Variants in PARVB observed in about 807,000 individuals in gnomAD.
The protein encoded by PARVB is parvin beta, also known as beta-parvin.
A neutral mutation model predicts 47.0 loss-of-function variants in PARVB; 46 were observed. That is an observed-to-expected ratio of 0.98 (90% CI 0.77 to 1.25). PARVB has a LOEUF of 1.25. Ranked by LOEUF, PARVB falls within the 50% of genes most tolerant of loss-of-function variation. The pLI, the probability that PARVB is intolerant of heterozygous loss-of-function variation, is 0.00. For missense variants in PARVB, 473 were observed against 471.6 expected (o/e 1.00, Z -0.03); for synonymous variants, 196 against 196.3 (o/e 1.00, Z 0.01).
chr22:44,162,183 T>G (rs1718201718), intron 11 of PARVB, among the ~76,000 whole-genome samples: 1 of 152,196 alleles, frequency 6.6e-6, no homozygotes, highest in African/African-American at 2.4e-5. Flanking sequence ...TTTTCCAGTG[T>G]TGTTCGTTTG....
chr22:44,058,978 G>A (rs999131185), intron 1 of PARVB, among the ~76,000 whole-genome samples: 1 of 130,896 alleles, frequency 7.6e-6, no homozygotes, highest in African/African-American at 3.1e-5. Context: ...ATGAGGGTGT[G>A]ATGGGGGGGG....
In PARVB at chr22:44,073,449, G is replaced by A. The variant is rs191594587; in HGVS notation, c.113-20479G>A. ...GCAGAGGTTGCGGTGAGCGGAGGTCGCGCCATTACACTCTAGCCTGGGCGA... is the reference window on the plus strand; with the variant it reads ...GCAGAGGTTGCGGTGAGCGGAGGTCACGCCATTACACTCTAGCCTGGGCGA... On this transcript the variant is annotated intron_variant, in intron 1 of 12. Transcript: ENST00000338758. Among the ~76,000 whole-genome samples, 11 of 152,302 alleles carry A rather than the reference G, an allele frequency of 7.2e-5. No homozygotes were observed. In the East Asian group the frequency reaches 1.7e-3, roughly 24 times the overall value.
Position 44,125,024 on chromosome 22 carries a change from T to G in PARVB, c.376+5884T>G, listed in dbSNP as rs1186348618. 3.3e-5 allele frequency among the ~76,000 whole-genome samples: 5 copies of G among 151,348 alleles called. No homozygotes were observed. Among genetic ancestry groups the G allele is most frequent in the Non-Finnish European group, 7.4e-5 (5 of 67,870 alleles). On this transcript the variant is annotated intron_variant, in intron 4 of 12. Transcript: ENST00000338758. The surrounding 1 kb of genome is among the most constrained non-coding windows in gnomAD (Gnocchi z 4.1). Reference sequence around the variant, plus strand: ...ACAAATGGCTCTTACAGACCAGCTCTTGGAGGGAAACCTCCTAGGCTTGTG... The same window carrying G: ...ACAAATGGCTCTTACAGACCAGCTCGTGGAGGGAAACCTCCTAGGCTTGTG...
intron 3 of PARVB, 107 bp from the exon 4 acceptor site, chr22:44,118,928 CCGG>C (rs1277867030): frequency 1.6e-5 from 12 of 754,862 alleles, no homozygotes; most frequent in African/African-American, 3.4e-5. Context: ...TGCTGTGGTC[CCGG>C]TGGTGGCTGC....
At chr22:44,020,839 G>A (rs1385660246), upstream of PARVB, among the ~76,000 whole-genome samples, 1 of 151,776 alleles carries the variant, frequency 6.6e-6, no homozygotes, top group Non-Finnish European at 1.5e-5. Context: ...GGAGTGCAGT[G>A]GCGTGATCTC....
At chr22:44,072,414 C>T (rs1285657063) in intron 1 of PARVB, among the ~76,000 whole-genome samples, 1 of 152,124 alleles carries the variant, frequency 6.6e-6, no homozygotes, top group Non-Finnish European at 1.5e-5. Context: ...CGACAGTTTG[C>T]CCTCAGGACT....
intron 3 of PARVB, among the ~76,000 whole-genome samples, chr22:44,102,080 G>T (rs1415653804): frequency 6.6e-6 from 1 of 152,206 alleles, no homozygotes; most frequent in East Asian, 1.9e-4. Context: ...CCTGCCATCT[G>T]CAAGCTAGAA....
Position 44,147,880 on chromosome 22 carries a change from G to A in PARVB, c.732G>A (p.Thr244=), listed in dbSNP as rs1342408508. Reference sequence around the variant, plus strand: ...CCTCAGAGCGGGATGCCTTCGACACGCTGTTCGACCACGCCCCGGATAAGC... The same window carrying A: ...CCTCAGAGCGGGATGCCTTCGACACACTGTTCGACCACGCCCCGGATAAGC... ...MGRFERDAFD[T]LFDHAPDKLS... is the part of the protein sequence containing the mutation. The change falls in exon 9 of 13, where the codon ACG becomes ACA. Residue 244 remains threonine (T), a synonymous_variant. Transcript: ENST00000338758. 8.7e-6 allele frequency: 14 copies of A among 1,613,916 alleles called. No homozygotes were observed. The highest frequency in any genetic ancestry group is 2.2e-5 in the South Asian group (2 of 91,074).
chr22:44,166,667 G>C lies in PARVB; in HGVS notation c.1019-1935G>C, dbSNP rs141304409. Among the ~76,000 whole-genome samples the C allele has an allele frequency of 3.6e-3, 552 of 152,362 alleles. 4 individuals carry two copies. The highest frequency in any genetic ancestry group is 0.013 in the African/African-American group (522 of 41,584). ...TTGGGTGTCCCAGGGCCTCTGTCCA[G>C]CCCAGGCAGGGGGCAGAGCTGGTCT... is the stretch of plus-strand genomic sequence containing the variant. On this transcript the variant is annotated intron_variant, in intron 12 of 12. Transcript: ENST00000338758.
Position 44,125,175 on chromosome 22 carries a change from A to T in PARVB, c.376+6035A>T, listed in dbSNP as rs577387552. 6.6e-6 allele frequency among the ~76,000 whole-genome samples: 1 copy of T among 152,192 alleles called. No individual in the cohort carries two copies. The highest frequency in any genetic ancestry group is 1.9e-4 in the East Asian group (1 of 5,170). ...TATTCATCTGGCCCTCAGAAAGTAT[A>T]TTTGGAGGGAAACATGTCTGTGTTT... On this transcript the variant is annotated intron_variant, in intron 4 of 12. Transcript: ENST00000338758. This position sits in a 1 kb window ranked among gnomAD's most constrained non-coding sequence, Gnocchi z 4.1.
chr22:44,099,063 T>C (rs1360457810), intron 2 of PARVB, among the ~76,000 whole-genome samples: 1 of 152,172 alleles, frequency 6.6e-6, no homozygotes, highest in African/African-American at 2.4e-5. Context: ...GTCTCAACTG[T>C]GTCCTGGCCA....
chr22:44,147,499 CAAG>C, intron 8 of PARVB: 1 of 376,706 alleles, frequency 2.7e-6, no homozygotes, highest in South Asian at 2.0e-5. Flanking sequence ...TGCCAGTAGA[CAAG>C]GAGTGTGGGA....
chr22:44,022,725 T>C (rs2050664845), upstream of PARVB, among the ~76,000 whole-genome samples: 1 of 150,076 alleles, frequency 6.7e-6, no homozygotes, highest in Non-Finnish European at 1.5e-5. Flanking sequence ...TCACTCCTCC[T>C]ACTTCTTTTT....
intron 10 of PARVB, among the ~76,000 whole-genome samples, chr22:44,157,089 T>G (rs751702316): frequency 2.2e-4 from 33 of 152,342 alleles, no homozygotes; most frequent in Non-Finnish European, 4.3e-4. Context: ...AACATTTTAA[T>G]TTAAATAGCT....
intron 8 of PARVB, chr22:44,143,508 G>C (rs1012826892): frequency 6.6e-6 from 1 of 152,316 alleles, no homozygotes; most frequent in Non-Finnish European, 1.5e-5. Context: ...CTTCTGGAAG[G>C]CCGGGCAGAC....
intron 1 of PARVB, among the ~76,000 whole-genome samples, chr22:44,057,626 C>T (rs1320609122): frequency 6.6e-6 from 1 of 151,968 alleles, no homozygotes; most frequent in Non-Finnish European, 1.5e-5. Context: ...TAGCAGGAGG[C>T]CCACTTGCAG....
chr22:44,026,069 T>G (rs2146880595), intron 1 of PARVB, among the ~76,000 whole-genome samples: 1 of 152,284 alleles, frequency 6.6e-6, no homozygotes, highest in South Asian at 2.1e-4. Context: ...GAAAAAGTCT[T>G]TCATAGAATG....
intron 4 of PARVB, chr22:44,119,903 C>T (rs529351569): frequency 6.0e-5 from 31 of 515,038 alleles, no homozygotes; most frequent in East Asian, 4.5e-4. Flanking sequence ...GAAGAACGAG[C>T]GAAGAGTTGC....
At chr22:44,038,636 G>A (rs544587099) in intron 1 of PARVB, among the ~76,000 whole-genome samples, 23 of 152,214 alleles carry the variant, frequency 1.5e-4, no homozygotes, top group Admixed American at 3.9e-4. Context: ...ACAAAAATTA[G>A]CTGGGCGTGA....
Sources: gnomAD v4.1 joint callset for allele counts (sites outside exome capture counted in the v4.1 genomes callset) on GRCh38, gnomAD v4.1.1 for gene constraint, Gnocchi (gnomAD v3.1) non-coding constraint, MANE v1.5 for transcripts, NCBI Gene and HGNC (gene_info 2026-07-23, HGNC 2026-07-21) for gene names.